JPH3: variants seen among roughly 807,000 people sequenced by gnomAD.
JPH3 encodes junctophilin 3, also known as junctophilin-3.
A neutral mutation model predicts 59.6 loss-of-function variants in JPH3; 11 were observed. The observed-to-expected ratio is 0.18, with a 90% confidence interval of 0.12 to 0.31. JPH3 has a LOEUF of 0.31. JPH3 is among the 10% of genes least tolerant of loss of function. The probability of loss-of-function intolerance (pLI) is 1.00; values close to 1 mark genes in which losing one functional copy is unlikely to be tolerated. For synonymous variants in JPH3, 673 were observed against 483.6 expected (o/e 1.39, Z -5.14); for missense variants, 1,202 against 1,105.7 (o/e 1.09, Z -1.24).
At chr16:87,604,086 T>TACACCTAGA in intron 1 of JPH3, 1 of 985,408 alleles carries the variant, frequency 1.0e-6, no homozygotes, top group Non-Finnish European at 1.2e-6. Flanking sequence ...AGTACACTTC[T>TACACCTAGA]AGGTGGTTGG....
At chr16:87,635,247 G>T (rs1358880692) in intron 1 of JPH3, among the ~76,000 whole-genome samples, 4 of 152,222 alleles carry the variant, frequency 2.6e-5, no homozygotes, top group Non-Finnish European at 4.4e-5. Context: ...GTTGACCTGG[G>T]GCATCTGTCC....
intron 1 of JPH3, among the ~76,000 whole-genome samples, chr16:87,614,294 G>C: frequency 2.0e-5 from 3 of 151,962 alleles, no homozygotes; most frequent in Non-Finnish European, 4.4e-5. Context: ...AGGAGGAGCT[G>C]TGCGTCCCCT....
intron 1 of JPH3, among the ~76,000 whole-genome samples, chr16:87,619,315 G>GAAAA (rs547047794): frequency 1.4e-5 from 2 of 140,602 alleles, no homozygotes; most frequent in African/African-American, 2.6e-5. Context: ...CCTGTCTTAA[G>GAAAA]AAAAAAAAAA....
chr16:87,604,723 G>A, intron 1 of JPH3: 1 of 1,027,902 alleles, frequency 9.7e-7, no homozygotes, highest in Non-Finnish European at 1.2e-6. Flanking sequence ...GGAGTGGCAG[G>A]GGGCTGGAGA....
chr16:87,680,727 C>A (rs138649006), intron 2 of JPH3, among the ~76,000 whole-genome samples: 1 of 152,328 alleles, frequency 6.6e-6, no homozygotes, highest in Non-Finnish European at 1.5e-5. Flanking sequence ...CAGGCCGAGA[C>A]CTGGTGTCTC....
chr16:87,657,276 C>T (rs575130607), intron 2 of JPH3, among the ~76,000 whole-genome samples: 15 of 152,292 alleles, frequency 9.8e-5, no homozygotes, highest in Admixed American at 6.5e-5. Context: ...ATGAATGAGC[C>T]AGAGAAAGTG....
Position 87,644,364 on chromosome 16 carries a change from C to T in JPH3, c.489C>T (p.Ser163=), listed in dbSNP as rs756992611. ...TCATCCGCTCACCCCTGAGGACGTCCATCAACTCCCTGCGCAGCGAGCACA... is the reference window on the plus strand; with the variant it reads ...TCATCCGCTCACCCCTGAGGACGTCTATCAACTCCCTGCGCAGCGAGCACA... ...AAVIRSPLRT[S]INSLRSEHTN... The change falls in exon 2 of 5, where the codon TCC becomes TCT. Residue 163 remains serine (S), a synonymous_variant. Transcript: ENST00000284262. 6.2e-7 allele frequency: 1 copy of T among 1,612,990 alleles called. No individual in the cohort carries two copies. The highest frequency in any genetic ancestry group is 1.3e-5 in the African/African-American group (1 of 75,068).
intron 2 of JPH3, among the ~76,000 whole-genome samples, chr16:87,678,895 G>T (rs572171508): frequency 6.6e-6 from 1 of 152,358 alleles, no homozygotes; most frequent in East Asian, 1.9e-4. Flanking sequence ...AGAGAGGATG[G>T]ATGGGAGGAT....
intron 4 of JPH3, chr16:87,696,059 G>A (rs2033832431): frequency 6.6e-6 from 3 of 456,284 alleles, no homozygotes; most frequent in Non-Finnish European, 1.3e-5. Flanking sequence ...GGAAGGTGTG[G>A]TGAGGGGGGG....
rs766094676 is a variant in JPH3, at chr16:87,684,181, A to T, written c.1200A>T (p.Thr400=). The T allele has an allele frequency of 1.9e-6, 3 of 1,613,648 alleles. No individual in the cohort carries two copies. Among genetic ancestry groups the T allele is most frequent in the African/African-American group, 2.7e-5 (2 of 74,892 alleles). ...GGGCAAAGGCCGAGGCAGCCCTCAC[A>T]GCAGCTCAGAAAGCCCAGGAGGAGG... is the stretch of plus-strand genomic sequence containing the variant. ...HSRAKAEAAL[T]AAQKAQEEAR... is the part of the protein sequence containing the mutation. The change falls in exon 3 of 5, where the codon ACA becomes ACT. Residue 400 remains threonine (T), a synonymous_variant. Coordinates refer to ENST00000284262, the MANE Select transcript of JPH3 (RefSeq NM_020655.4).
intron 1 of JPH3, among the ~76,000 whole-genome samples, chr16:87,608,701 C>G (rs899218962): frequency 6.6e-6 from 1 of 152,116 alleles, no homozygotes; most frequent in Non-Finnish European, 1.5e-5. Flanking sequence ...TGCCAGTGAC[C>G]GCCTGGTCCC....
intron 1 of JPH3, among the ~76,000 whole-genome samples, chr16:87,641,992 G>T (rs917321028): frequency 2.6e-5 from 4 of 152,202 alleles, no homozygotes; most frequent in Non-Finnish European, 4.4e-5. Context: ...AGGAGGGGTG[G>T]GGCTGGCTTG....
chr16:87,652,554 C>G (rs952846049), intron 2 of JPH3, among the ~76,000 whole-genome samples: 8 of 152,272 alleles, frequency 5.3e-5, no homozygotes, highest in African/African-American at 1.7e-4. Flanking sequence ...ACCTTCACGT[C>G]CCGGGCTCAA....
intron 2 of JPH3, among the ~76,000 whole-genome samples, chr16:87,659,374 CAAAAAAAAAAA>C (rs1354448370): frequency 2.4e-4 from 18 of 74,548 alleles, no homozygotes; most frequent in African/African-American, 7.4e-4. Flanking sequence ...AAGACTGTCT[CAAAAAAAAAAA>C]AGAAAAAAAA....
intron 2 of JPH3, 191 bp from the exon 3 acceptor site, chr16:87,683,951 G>C: frequency 1.7e-6 from 1 of 591,710 alleles, no homozygotes; most frequent in Non-Finnish European, 3.0e-6. Flanking sequence ...CTGGTTGGTT[G>C]ATGCTCAGTG....
intron 2 of JPH3, among the ~76,000 whole-genome samples, chr16:87,655,762 GC>G (rs1208618265): frequency 6.6e-6 from 1 of 152,238 alleles, no homozygotes; most frequent in Non-Finnish European, 1.5e-5. Context: ...CCACGTCTCG[GC>G]CCCCCGTGTG....
chr16:87,689,896 CG>C lies in JPH3; in HGVS notation c.1540del (p.Asp514ThrfsTer95). The C allele has an allele frequency of 6.8e-7, 1 of 1,469,838 alleles. No individual in the cohort carries two copies. 91.0% of individuals were successfully genotyped at this position (1,469,838 alleles called of 1,614,324 possible). A position where few individuals can be genotyped will look rare whatever the true frequency, so the allele number is the denominator to read the frequency against. On this transcript the variant is annotated frameshift_variant, in exon 4 of 5. Coordinates refer to ENST00000284262, the MANE Select transcript of JPH3 (RefSeq NM_020655.4). LOFTEE classifies it high-confidence loss of function. ...RQVSVDEERG[G>X]DIQMLLEGRA... ...AGGTGTCGGTGGACGAGGAGCGGGG[CG>C]GGGACATCCAGATGCTCCTGGAGGG...
At chr16:87,602,062 C>T (rs1326404327), upstream of JPH3, 2 of 149,144 alleles carry the variant, frequency 1.3e-5, no homozygotes, top group Non-Finnish European at 3.0e-5. Context: ...GGGGCAGATC[C>T]GAGCCCGGCG....
intron 2 of JPH3, among the ~76,000 whole-genome samples, chr16:87,655,667 T>A (rs912403989): frequency 6.6e-6 from 1 of 152,240 alleles, no homozygotes; most frequent in African/African-American, 2.4e-5. Flanking sequence ...ATGTTCTATT[T>A]TAATTTCCTG....
Sources: gnomAD v4.1 joint callset for allele counts (sites outside exome capture counted in the v4.1 genomes callset) on GRCh38, gnomAD v4.1.1 for gene constraint, MANE v1.5 for transcripts, NCBI Gene and HGNC (gene_info 2026-07-23, HGNC 2026-07-21) for gene names.